The following KSR2 variants were observed in gnomAD, a reference collection of about 807,000 sequenced individuals.
KSR2 encodes the protein kinase suppressor of ras 2.
KSR2 carries 25 observed loss-of-function variants against 107.8 expected under a neutral mutation model. The ratio of observed to expected loss-of-function variants is 0.23; its 90% CI spans 0.17 to 0.32. The LOEUF (loss-of-function observed/expected upper bound fraction) is 0.32. Among genes scored for constraint, KSR2 ranks in the 10% least tolerant of loss-of-function variants. The probability of loss-of-function intolerance (pLI) is 1.00; values close to 1 mark genes in which losing one functional copy is unlikely to be tolerated. For synonymous variants in KSR2, 480 were observed against 507.0 expected (o/e 0.95, Z 0.71); for missense variants, 887 against 1,268.9 (o/e 0.70, Z 4.57).
At chr12:117,915,887 C>G (rs1184145207) in intron 1 of KSR2, among the ~76,000 whole-genome samples, 1 of 152,080 alleles carries the variant, frequency 6.6e-6, no homozygotes, top group Non-Finnish European at 1.5e-5. Context: ...CTCCCCACAC[C>G]CAGAATCAAC....
chr12:117,547,705 G>T (rs1322655015), intron 9 of KSR2, among the ~76,000 whole-genome samples: 1 of 152,152 alleles, frequency 6.6e-6, no homozygotes, highest in South Asian at 2.1e-4. Flanking sequence ...TTGACTAGAT[G>T]GGGCAGGCTT....
intron 3 of KSR2, among the ~76,000 whole-genome samples, chr12:117,854,920 T>A (rs547348891): frequency 2.6e-5 from 4 of 152,292 alleles, no homozygotes; most frequent in South Asian, 4.1e-4. Flanking sequence ...TTCTATTTTT[T>A]AAAGTATACA....
In KSR2 at chr12:117,968,571, T is replaced by C. The variant is rs1253283755; in HGVS notation, c.-316A>G. ...AAACCAGGTGATGTGATGCTGTCTG[T>C]ACACTTAGGGAGGAGGAGGAGGAGG... On this transcript the variant is annotated 5_prime_UTR_variant, in exon 1 of 20. Coordinates refer to ENST00000339824, the MANE Select transcript of KSR2 (RefSeq NM_173598.6). 8.2e-6 allele frequency: 7 copies of C among 852,892 alleles called. No homozygotes were observed. Among genetic ancestry groups the C allele is most frequent in the Non-Finnish European group, 1.1e-5 (7 of 666,122 alleles). 52.8% of individuals were successfully genotyped at this position (852,892 alleles called of 1,614,324 possible). A position where few individuals can be genotyped will look rare whatever the true frequency, so the allele number is the denominator to read the frequency against.
intron 4 of KSR2, among the ~76,000 whole-genome samples, chr12:117,672,099 T>C (rs1884932589): frequency 6.6e-6 from 1 of 152,032 alleles, no homozygotes; most frequent in African/African-American, 2.4e-5. Flanking sequence ...TAGCAGCACA[T>C]ACTGGCGGAC....
intron 1 of KSR2, among the ~76,000 whole-genome samples, chr12:117,935,136 C>A (rs1895800770): frequency 6.6e-6 from 1 of 151,196 alleles, no homozygotes. Context: ...CCTTCTTATT[C>A]TTCTTCTTTT....
chr12:117,484,588 C>A, intron 15 of KSR2, 39 bp from the exon 16 acceptor site: 2 of 1,608,504 alleles, frequency 1.2e-6, no homozygotes, highest in Middle Eastern at 1.7e-4. Context: ...CAGAGAAAAA[C>A]CTAAGAGCTT....
chr12:117,534,850 G>T (rs1325970965), intron 10 of KSR2, among the ~76,000 whole-genome samples: 1 of 152,014 alleles, frequency 6.6e-6, no homozygotes, highest in Non-Finnish European at 1.5e-5. Flanking sequence ...AATGAGGAGG[G>T]GCGACAAGCA....
chr12:117,752,107 A>C (rs1371558623), intron 4 of KSR2, among the ~76,000 whole-genome samples: 4 of 152,246 alleles, frequency 2.6e-5, no homozygotes, highest in Non-Finnish European at 1.5e-5. Context: ...GCCTGTTTCC[A>C]TGCAAACAAC....
chr12:117,593,902 G>C (rs978288844), intron 5 of KSR2, among the ~76,000 whole-genome samples: 12 of 152,204 alleles, frequency 7.9e-5, no homozygotes, highest in Non-Finnish European at 1.8e-4. Context: ...TTATGCAGAG[G>C]ACAGAACTGT....
chr12:117,590,616 T>C (rs142054429), intron 5 of KSR2, among the ~76,000 whole-genome samples: 14 of 152,310 alleles, frequency 9.2e-5, no homozygotes, highest in African/African-American at 2.9e-4. Flanking sequence ...AGTTAGAACA[T>C]GACAAAGCTC....
intron 5 of KSR2, among the ~76,000 whole-genome samples, chr12:117,592,164 A>G (rs1300765977): frequency 6.7e-6 from 1 of 149,296 alleles, no homozygotes; most frequent in Non-Finnish European, 1.5e-5. Flanking sequence ...CCCAGGCTGG[A>G]GCGCAATGGA....
At chr12:117,786,238 C>A (rs567417330) in intron 3 of KSR2, among the ~76,000 whole-genome samples, 2 of 152,142 alleles carry the variant, frequency 1.3e-5, no homozygotes, top group East Asian at 3.9e-4. Flanking sequence ...TTTTTTCAAT[C>A]GTATTTTCCA....
At position 117,680,093 on chromosome 12, in the gene KSR2, G is replaced by C. The variant is rs373786029; in HGVS notation, c.987-12435C>G. Among the ~76,000 whole-genome samples, 13 of 152,276 alleles carry C rather than the reference G, an allele frequency of 8.5e-5. No homozygotes were observed. The South Asian group carries it at 2.7e-3, about 32-fold the overall frequency. On this transcript the variant is annotated intron_variant, in intron 4 of 19. Coordinates refer to ENST00000339824, the MANE Select transcript of KSR2 (RefSeq NM_173598.6). ...GTAAGAGAGCCTGCTTTAAGGGTCTGCTTGGGATTTATTTTCCCTCAGCAT... is the reference window on the plus strand; with the variant it reads ...GTAAGAGAGCCTGCTTTAAGGGTCTCCTTGGGATTTATTTTCCCTCAGCAT...
chr12:117,922,531 T>C (rs925357127), intron 1 of KSR2, among the ~76,000 whole-genome samples: 10 of 152,220 alleles, frequency 6.6e-5, no homozygotes, highest in Admixed American at 2.0e-4. Context: ...GCATTCATGT[T>C]AAATATTTCT....
intron 14 of KSR2, among the ~76,000 whole-genome samples, chr12:117,510,509 C>G (rs1873957700): frequency 6.6e-6 from 1 of 152,212 alleles, no homozygotes; most frequent in South Asian, 2.1e-4. Context: ...ATTCTTTCTA[C>G]TGCAGCAAGG....
chr12:117,683,574 G>A (rs954470935), intron 4 of KSR2, among the ~76,000 whole-genome samples: 1 of 152,236 alleles, frequency 6.6e-6, no homozygotes, highest in Non-Finnish European at 1.5e-5. Flanking sequence ...TATGCAAGAT[G>A]TTTGAAGAAC....
intron 1 of KSR2, among the ~76,000 whole-genome samples, chr12:117,891,799 C>T (rs1894350758): frequency 6.6e-6 from 1 of 151,558 alleles, no homozygotes; most frequent in South Asian, 2.1e-4. Flanking sequence ...CCAGTCTGGG[C>T]AACACAGGGA....
intron 3 of KSR2, among the ~76,000 whole-genome samples, chr12:117,837,614 T>C (rs1254032306): frequency 6.6e-6 from 1 of 151,444 alleles, no homozygotes; most frequent in Non-Finnish European, 1.5e-5. Context: ...TACGTGATCA[T>C]GATGGCACAA....
chr12:117,721,402 G>A (rs369070999), intron 4 of KSR2, among the ~76,000 whole-genome samples: 1 of 152,264 alleles, frequency 6.6e-6, no homozygotes, highest in African/African-American at 2.4e-5. Context: ...AAGGCTATAT[G>A]GTCAGAATAA....
Sources: gnomAD v4.1 joint callset for allele counts (sites outside exome capture counted in the v4.1 genomes callset) on GRCh38, gnomAD v4.1.1 for gene constraint, MANE v1.5 for transcripts, NCBI Gene and HGNC (gene_info 2026-07-23, HGNC 2026-07-21) for gene names.